Variants in LHFPL3 observed in about 807,000 individuals in gnomAD.
LHFPL3 encodes LHFPL tetraspan subfamily member 3, also known as LHFPL tetraspan subfamily member 3 protein.
A neutral mutation model predicts 19.3 loss-of-function variants in LHFPL3; 5 were observed. The ratio of observed to expected loss-of-function variants is 0.26; its 90% confidence interval spans 0.14 to 0.54. LHFPL3 has a LOEUF of 0.54. Ranked by LOEUF, LHFPL3 falls within the 20% of genes least tolerant of loss-of-function variation. The probability of loss-of-function intolerance (pLI) is 0.94; values close to 1 mark genes in which losing one functional copy is unlikely to be tolerated. For missense variants in LHFPL3, 249 were observed against 307.4 expected (o/e 0.81, Z 1.42); for synonymous variants, 133 against 126.2 (o/e 1.05, Z -0.36).
intron 1 of LHFPL3, among the ~76,000 whole-genome samples, chr7:104,499,737 T>G (rs1429735902): frequency 6.6e-6 from 1 of 152,238 alleles, no homozygotes; most frequent in African/African-American, 2.4e-5. Flanking sequence ...ATTAAACTAA[T>G]GATCTCATCC....
chr7:104,817,607 T>C (rs1790580172), intron 2 of LHFPL3, among the ~76,000 whole-genome samples: 1 of 152,196 alleles, frequency 6.6e-6, no homozygotes, highest in Non-Finnish European at 1.5e-5. Flanking sequence ...AAACAACATC[T>C]ATGCTTCATC....
chr7:104,661,502 CT>C (rs1792223317), intron 1 of LHFPL3, among the ~76,000 whole-genome samples: 1 of 152,296 alleles, frequency 6.6e-6, no homozygotes, highest in African/African-American at 2.4e-5. Context: ...TCTGTCCTGA[CT>C]TTTTTGTCCT....
At chr7:104,702,232 C>A (rs987668699) in intron 1 of LHFPL3, among the ~76,000 whole-genome samples, 13 of 152,122 alleles carry the variant, frequency 8.5e-5, no homozygotes, top group Admixed American at 7.2e-4. Flanking sequence ...TTTATGGCAT[C>A]CTGTTCTTGA....
intron 1 of LHFPL3, among the ~76,000 whole-genome samples, chr7:104,524,672 A>G (rs1794150176): frequency 6.6e-6 from 1 of 152,190 alleles, no homozygotes; most frequent in Non-Finnish European, 1.5e-5. Context: ...AAGAAGTGTG[A>G]TTTAATTTTG....
chr7:104,500,922 G>A (rs1249469110), intron 1 of LHFPL3, among the ~76,000 whole-genome samples: 2 of 152,162 alleles, frequency 1.3e-5, no homozygotes, highest in African/African-American at 2.4e-5. Flanking sequence ...TCCCTGAGAT[G>A]CCCTCTCAAA....
At chr7:104,735,213 G>C (rs113634631) in intron 1 of LHFPL3, among the ~76,000 whole-genome samples, 2 of 152,196 alleles carry the variant, frequency 1.3e-5, no homozygotes, top group Admixed American at 1.3e-4. Flanking sequence ...CTCAAACTCC[G>C]TGCTGGGAGA....
intron 1 of LHFPL3, among the ~76,000 whole-genome samples, chr7:104,364,933 GAGA>G (rs1185851079): frequency 6.6e-6 from 1 of 152,314 alleles, no homozygotes; most frequent in East Asian, 1.9e-4. Context: ...TATACTTTGA[GAGA>G]AGGAGTCAGT....
chr7:104,843,864 T>C (rs1584571191), intron 2 of LHFPL3, among the ~76,000 whole-genome samples: 1 of 152,162 alleles, frequency 6.6e-6, no homozygotes. Flanking sequence ...TTTCATGGAA[T>C]GCTACATGTT....
intron 1 of LHFPL3, among the ~76,000 whole-genome samples, chr7:104,602,995 C>A (rs528316569): frequency 6.6e-6 from 1 of 152,122 alleles, no homozygotes; most frequent in African/African-American, 2.4e-5. Flanking sequence ...ATGACCTAAT[C>A]GCCTCTTAAA....
chr7:104,346,458 A>C (rs1235456675), intron 1 of LHFPL3, among the ~76,000 whole-genome samples: 1 of 151,948 alleles, frequency 6.6e-6, no homozygotes, highest in Non-Finnish European at 1.5e-5. Flanking sequence ...TCAAAGTACC[A>C]AGTCACCACT....
intron 1 of LHFPL3, among the ~76,000 whole-genome samples, chr7:104,592,259 C>T (rs1263168483): frequency 1.3e-5 from 2 of 152,134 alleles, no homozygotes; most frequent in Non-Finnish European, 2.9e-5. Context: ...GTGGTTTTAT[C>T]TACCTTTGGT....
At chr7:104,531,459 A>G (rs1310853695) in intron 1 of LHFPL3, among the ~76,000 whole-genome samples, 2 of 152,186 alleles carry the variant, frequency 1.3e-5, no homozygotes, top group African/African-American at 4.8e-5. Context: ...ACTTTCTGGC[A>G]TGGTGTTTAC....
chr7:104,568,629 C>T (rs1162233057), intron 1 of LHFPL3, among the ~76,000 whole-genome samples: 1 of 152,172 alleles, frequency 6.6e-6, no homozygotes, highest in Non-Finnish European at 1.5e-5. Context: ...GTACAGCCTC[C>T]CTCTGGTGGG....
chr7:104,454,713 A>G (rs1211120497), intron 1 of LHFPL3, among the ~76,000 whole-genome samples: 5 of 152,292 alleles, frequency 3.3e-5, no homozygotes, highest in Middle Eastern at 3.4e-3. Flanking sequence ...AGTCCCTCCC[A>G]TAGAATGAGC....
At chr7:104,601,198 A>T (rs1790958861) in intron 1 of LHFPL3, among the ~76,000 whole-genome samples, 1 of 152,198 alleles carries the variant, frequency 6.6e-6, no homozygotes, top group Non-Finnish European at 1.5e-5. Flanking sequence ...TATACATCAG[A>T]ATCTGCTGGA....
At chr7:104,728,656 A>G (rs1466469390) in intron 1 of LHFPL3, among the ~76,000 whole-genome samples, 2 of 152,110 alleles carry the variant, frequency 1.3e-5, no homozygotes, top group Non-Finnish European at 2.9e-5. Context: ...CCAACTCTTT[A>G]TTTTCTATCT....
chr7:104,848,807 AGGCCTGGT>A (rs1791361122), intron 2 of LHFPL3, among the ~76,000 whole-genome samples: 1 of 152,150 alleles, frequency 6.6e-6, no homozygotes, highest in East Asian at 1.9e-4. Flanking sequence ...ATCAGCCTGG[AGGCCTGGT>A]GGCATATCAG....
intron 1 of LHFPL3, among the ~76,000 whole-genome samples, chr7:104,459,813 C>A (rs987721582): frequency 6.6e-6 from 1 of 152,102 alleles, no homozygotes; most frequent in East Asian, 1.9e-4. Flanking sequence ...AACCTGTTAA[C>A]CTTAATTTTA....
intron 1 of LHFPL3, among the ~76,000 whole-genome samples, chr7:104,732,741 C>G (rs1793729149): frequency 6.6e-6 from 1 of 152,110 alleles, no homozygotes; most frequent in Non-Finnish European, 1.5e-5. Flanking sequence ...CTGCTCTCAT[C>G]TTAGTTATTT....
Sources: allele counts gnomAD v4.1 joint callset (sites outside exome capture counted in the v4.1 genomes callset), GRCh38; gene constraint gnomAD v4.1.1; transcripts MANE v1.5; gene names NCBI Gene and HGNC (gene_info 2026-07-23, HGNC 2026-07-21).